The following NEDD9 variants were observed in gnomAD, a reference collection of about 807,000 sequenced individuals.
NEDD9 encodes enhancer of filamentation 1.
NEDD9 carries 26 observed loss-of-function variants against 76.6 expected under a neutral mutation model. That is an observed-to-expected ratio of 0.34 (90% CI 0.25 to 0.47). The LOEUF is 0.47. NEDD9 is among the 20% of genes least tolerant of loss of function. NEDD9 has a pLI of 1.00. For missense variants in NEDD9, 937 were observed against 1,058.5 expected, an observed-to-expected ratio of 0.89 and a Z score of 1.59; for synonymous variants, 392 against 414.2, an observed-to-expected ratio of 0.95 and a Z score of 0.65.
intron 3 of NEDD9, among the ~76,000 whole-genome samples, chr6:11,296,030 G>A (rs184485134): frequency 5.8e-4 from 89 of 152,208 alleles, no homozygotes; most frequent in Middle Eastern, 6.8e-3. Context: ...GGTCACATGG[G>A]TGGGCCCTAA....
intron 1 of NEDD9, among the ~76,000 whole-genome samples, chr6:11,356,523 G>A (rs1031456598): frequency 1.4e-4 from 21 of 152,012 alleles, no homozygotes; most frequent in East Asian, 3.9e-4. Flanking sequence ...TAAATTTTCC[G>A]TGCATCAGGA....
intron 2 of NEDD9, among the ~76,000 whole-genome samples, chr6:11,325,457 A>G (rs982690096): frequency 1.3e-5 from 2 of 152,236 alleles, no homozygotes; most frequent in Non-Finnish European, 2.9e-5. Flanking sequence ...GAAATATGCA[A>G]ATTGCATCAT....
chr6:11,286,846 A>C (rs921003872), intron 3 of NEDD9, among the ~76,000 whole-genome samples: 1 of 152,202 alleles, frequency 6.6e-6, no homozygotes. Context: ...AGGTGGGATT[A>C]CAAAGGGGCA....
In NEDD9 at chr6:11,213,870, C is replaced by T; in HGVS notation, c.13-143G>A. 1.4e-6 allele frequency: 1 copy of T among 715,834 alleles called. No individual in the cohort carries two copies. The highest frequency in any genetic ancestry group is 2.3e-6 in the Non-Finnish European group (1 of 439,276). The allele number at this position is 715,834 out of a possible 1,614,324, so 44.3% of individuals were successfully genotyped here. A position where few individuals can be genotyped will look rare whatever the true frequency, so the allele number is the denominator to read the frequency against. On this transcript the variant is annotated intron_variant, in intron 1 of 6. Coordinates refer to ENST00000379446, the MANE Select transcript of NEDD9 (RefSeq NM_006403.4). This position sits in a 1 kb window ranked among gnomAD's most constrained non-coding sequence, Gnocchi z 5.4. ...GAACAATAGACTGTAAGGAGAAAAA[C>T]AGATGGTGCAGACAAAAGACAGATA...
At chr6:11,203,154 C>T (rs866233633) in intron 2 of NEDD9, among the ~76,000 whole-genome samples, 5 of 152,222 alleles carry the variant, frequency 3.3e-5, no homozygotes, top group South Asian at 2.1e-4. Context: ...CGGGAAATGA[C>T]GTCTGGGTTT....
At chr6:11,223,583 C>A (rs955002730) in intron 1 of NEDD9, among the ~76,000 whole-genome samples, 5 of 152,110 alleles carry the variant, frequency 3.3e-5, no homozygotes, top group Admixed American at 2.0e-4. Context: ...AAATGAAATT[C>A]TTTCCCTTCA....
chr6:11,347,382 C>CA (rs1348151603), intron 1 of NEDD9, among the ~76,000 whole-genome samples: 1 of 152,090 alleles, frequency 6.6e-6, no homozygotes, highest in Non-Finnish European at 1.5e-5. Flanking sequence ...AAACTGTTCC[C>CA]AAAAATTGAG....
chr6:11,299,760 A>AGCT (rs1220328855), intron 3 of NEDD9, among the ~76,000 whole-genome samples: 1 of 152,228 alleles, frequency 6.6e-6, no homozygotes, highest in East Asian at 1.9e-4. Flanking sequence ...ACAGACCTGA[A>AGCT]GCTGAGGGGT....
intron 2 of NEDD9, among the ~76,000 whole-genome samples, chr6:11,325,352 C>T (rs1248679905): frequency 7.5e-6 from 1 of 133,556 alleles, no homozygotes; most frequent in Non-Finnish European, 1.5e-5. Flanking sequence ...GGGACTCTGT[C>T]TCAAAAAAAA....
Position 11,192,373 on chromosome 6 carries a change from C to T in NEDD9, c.635G>A (p.Gly212Glu), listed in dbSNP as rs1398252188. The change falls in exon 4 of 7, where the codon GGG (glycine) becomes GAG (glutamate). Residue 212 changes from glycine to glutamate, a missense_variant. Coordinates refer to ENST00000379446, the MANE Select transcript of NEDD9 (RefSeq NM_006403.4). ...TTTTGTAGGCGGGATGTCATACACC[C>T]CTTGAGGTTTTATCTCTCCCACTGG... The part of the protein sequence containing the change: ...SVPVGEIKPQ[G>E]VYDIPPTKGV... 3 of 1,605,740 alleles carry T rather than the reference C, an allele frequency of 1.9e-6. No homozygotes were observed. The highest frequency in any genetic ancestry group is 2.5e-6 in the Non-Finnish European group (3 of 1,177,200).
Position 11,198,956 on chromosome 6 carries a change from A to T in NEDD9, c.460-5264T>A, listed in dbSNP as rs987962800. The T allele has an allele frequency of 6.6e-6, 1 of 152,296 alleles. No homozygotes were observed. The highest frequency in any genetic ancestry group is 1.5e-5 in the Non-Finnish European group (1 of 68,100). The allele number at this position is 152,296 out of a possible 1,614,324, so 9.4% of individuals were successfully genotyped here. On this transcript the variant is annotated intron_variant, in intron 2 of 6. Transcript: ENST00000379446. The surrounding 1 kb of genome is among the most constrained non-coding windows in gnomAD (Gnocchi z 4.7). ...TGTTAGGTGAAGTTGAGAAATCAGAAACTGTAGAAGAATGCACCCCAAGTT... is the reference window on the plus strand; with the variant it reads ...TGTTAGGTGAAGTTGAGAAATCAGATACTGTAGAAGAATGCACCCCAAGTT...
At chr6:11,294,869 ATGT>A (rs1037059465) in intron 3 of NEDD9, among the ~76,000 whole-genome samples, 13 of 152,092 alleles carry the variant, frequency 8.5e-5, no homozygotes, top group Non-Finnish European at 1.9e-4. Flanking sequence ...TAATTCCCAC[ATGT>A]TGTGAGAGGA....
chr6:11,290,961 C>A (rs1433744263), intron 3 of NEDD9, among the ~76,000 whole-genome samples: 1 of 152,188 alleles, frequency 6.6e-6, no homozygotes, highest in East Asian at 1.9e-4. Context: ...TGCTTTCTAG[C>A]CTGCTCCCTA....
intron 2 of NEDD9, among the ~76,000 whole-genome samples, chr6:11,323,344 G>A (rs375277968): frequency 6.6e-6 from 1 of 152,242 alleles, no homozygotes; most frequent in African/African-American, 2.4e-5. Flanking sequence ...GCAATAAAGA[G>A]ACACTTTCAG....
intron 2 of NEDD9, among the ~76,000 whole-genome samples, chr6:11,195,205 C>A (rs1456202008): frequency 2.0e-5 from 3 of 152,198 alleles, no homozygotes; most frequent in African/African-American, 4.8e-5. Context: ...GGCTTTTAAT[C>A]CCTAGTGCTT....
intron 2 of NEDD9, chr6:11,199,866 G>A (rs1758395548): frequency 6.6e-6 from 1 of 152,434 alleles, no homozygotes; most frequent in Non-Finnish European, 1.5e-5. Flanking sequence ...GTAGAGACGG[G>A]GTTTTACCGT....
At position 11,249,892 on chromosome 6, in the gene NEDD9, C is replaced by T. The variant is rs545376168; in HGVS notation, c.13-36165G>A. Among the ~76,000 whole-genome samples, 88 of 152,272 alleles carry T rather than the reference C, an allele frequency of 5.8e-4. 1 individual carries two copies. Among genetic ancestry groups the T allele is most frequent in the African/African-American group, 2.0e-3 (85 of 41,544 alleles). On this transcript the variant is annotated intron_variant, in intron 3 of 3. Transcript: ENST00000397378. ...TCTGGCTCCTGTGTCTGGATCTGCC[C>T]TCCTGGTACACACGTGGTGAGTGTG...
chr6:11,190,457 G>C lies in NEDD9; in HGVS notation c.1412C>G (p.Ala471Gly). ...EYLHFVKGAV[A>G]NAACLPELIL... ...GAGTTCCGGGAGGCAGGCAGCATTT[G>C]CAACAGCTCCCTTGACAAAGTGGAG... The change falls in exon 5 of 7, where the codon GCA becomes GGA. Residue 471 changes from alanine (A) to glycine (G), a missense_variant. Transcript: ENST00000379446. The surrounding 1 kb of genome is among the most constrained non-coding windows in gnomAD (Gnocchi z 5.8). 2 of 1,614,190 alleles carry C rather than the reference G, an allele frequency of 1.2e-6. No individual in the cohort carries two copies. Among genetic ancestry groups the C allele is most frequent in the Non-Finnish European group, 1.7e-6 (2 of 1,180,036 alleles).
chr6:11,350,257 C>A (rs913405305), intron 1 of NEDD9, among the ~76,000 whole-genome samples: 6 of 152,138 alleles, frequency 3.9e-5, no homozygotes, highest in Admixed American at 6.5e-5. Context: ...CCTCAAGAGG[C>A]AACATCTTAT....
Sources: allele counts gnomAD v4.1 joint callset (sites outside exome capture counted in the v4.1 genomes callset), GRCh38; gene constraint gnomAD v4.1.1; non-coding constraint Gnocchi (gnomAD v3.1); transcripts MANE v1.5; gene names NCBI Gene and HGNC (gene_info 2026-07-23, HGNC 2026-07-21).